The following TBX20 variants were observed in gnomAD, a reference collection of about 807,000 sequenced individuals.
The protein encoded by TBX20 is T-box transcription factor TBX20.
A neutral mutation model predicts 42.9 loss-of-function variants in TBX20; 8 were observed. The ratio of observed to expected loss-of-function variants is 0.19; its 90% CI spans 0.11 to 0.34. The LOEUF is 0.34. TBX20 is among the 10% of genes least tolerant of loss of function. The probability of loss-of-function intolerance (pLI) is 1.00; values close to 1 mark genes in which losing one functional copy is unlikely to be tolerated. For missense variants in TBX20, 411 were observed against 566.0 expected (o/e 0.73, Z 2.78); for synonymous variants, 198 against 222.8 (o/e 0.89, Z 0.99).
At chr7:35,219,064 C>A (rs1789637329) in intron 6 of TBX20, among the ~76,000 whole-genome samples, 1 of 152,062 alleles carries the variant, frequency 6.6e-6, no homozygotes, top group South Asian at 2.1e-4. Flanking sequence ...TTATAACAGC[C>A]CAGTTGAACT....
At chr7:35,226,485 A>T (rs1029608634) in intron 6 of TBX20, among the ~76,000 whole-genome samples, 9 of 152,160 alleles carry the variant, frequency 5.9e-5, no homozygotes, top group African/African-American at 1.9e-4. Context: ...GAAACTGGCA[A>T]AGATGAAAAG....
At chr7:35,252,966 T>G (rs1335568386) in intron 1 of TBX20, among the ~76,000 whole-genome samples, 5 of 152,378 alleles carry the variant, frequency 3.3e-5, no homozygotes, top group African/African-American at 1.2e-4. Context: ...GATGTCTTGG[T>G]GATAAGTCTA....
Position 35,253,521 on chromosome 7 carries a change from C to T in TBX20, c.100G>A (p.Ala34Thr), listed in dbSNP as rs1584361716. 6.2e-7 allele frequency: 1 copy of T among 1,612,352 alleles called. No individual in the cohort carries two copies. Among genetic ancestry groups the T allele is most frequent in the Non-Finnish European group, 8.5e-7 (1 of 1,179,772 alleles). Residue 34 changes from alanine to threonine, a missense_variant, in exon 1 of 8, where the codon GCG becomes ACG. Coordinates refer to ENST00000408931, the MANE Select transcript of TBX20 (RefSeq NM_001077653.2). The stretch of plus-strand genomic sequence containing the variant: ...AGGGGTTTGATTGTGTTCTCCGTCG[C>T]CTCCTTCTCCTTAGAGCCGCCGCTC... ...MSSGGSKEKE[A>T]TENTIKPLEQ...
intron 6 of TBX20, among the ~76,000 whole-genome samples, chr7:35,211,747 T>C (rs1328430748): frequency 1.3e-5 from 2 of 152,198 alleles, no homozygotes; most frequent in Non-Finnish European, 2.9e-5. Context: ...TTTAAAGATG[T>C]TGCTTCACTG....
intron 6 of TBX20, among the ~76,000 whole-genome samples, chr7:35,222,664 G>A (rs1379961421): frequency 6.6e-6 from 1 of 152,126 alleles, no homozygotes; most frequent in Non-Finnish European, 1.5e-5. Context: ...GTGCAGTGCA[G>A]CACAATCCAG....
In TBX20 at chr7:35,253,886, C is replaced by G. The variant is rs902528203; in HGVS notation, c.-266G>C. On this transcript the variant is annotated 5_prime_UTR_variant, in exon 1 of 8. Coordinates refer to ENST00000408931, the MANE Select transcript of TBX20 (RefSeq NM_001077653.2). ...AGCACTACGGCGGGTGCGCACGCCC[C>G]GGGGCGCTCGGCAGGACGACAGTCT... is the stretch of plus-strand genomic sequence containing the variant. 1 of 472,998 alleles carries G rather than the reference C, an allele frequency of 2.1e-6. No individual in the cohort carries two copies. The highest frequency in any genetic ancestry group is 3.8e-6 in the Non-Finnish European group (1 of 262,898). 29.3% of individuals were successfully genotyped at this position (472,998 alleles called of 1,614,324 possible). A position where few individuals can be genotyped will look rare whatever the true frequency, so the allele number is the denominator to read the frequency against.
chr7:35,235,199 T>A (rs2128713920), intron 5 of TBX20, among the ~76,000 whole-genome samples: 1 of 151,846 alleles, frequency 6.6e-6, no homozygotes, highest in East Asian at 1.9e-4. Flanking sequence ...ACATAGAGTT[T>A]ATGCCACAAT....
At chr7:35,213,058 T>C in intron 6 of TBX20, among the ~76,000 whole-genome samples, 1 of 152,192 alleles carries the variant, frequency 6.6e-6, no homozygotes, top group East Asian at 1.9e-4. Flanking sequence ...CCCACTGCCA[T>C]GGTCTATACC....
chr7:35,224,656 G>A (rs1789740498), intron 6 of TBX20, among the ~76,000 whole-genome samples: 1 of 124,302 alleles, frequency 8.0e-6, no homozygotes, highest in Admixed American at 9.0e-5. Flanking sequence ...TGGGCCATAA[G>A]AGCGAAACTC....
intron 6 of TBX20, among the ~76,000 whole-genome samples, chr7:35,223,461 A>G (rs1789717146): frequency 6.6e-6 from 1 of 152,204 alleles, no homozygotes. Flanking sequence ...GAGAAGTGCA[A>G]GGACTAAGGT....
chr7:35,245,085 G>T, intron 3 of TBX20, 28 bp from the exon 4 acceptor site: 3 of 1,490,782 alleles, frequency 2.0e-6, no homozygotes, highest in South Asian at 1.2e-5. Context: ...AAACTTTATT[G>T]AGACTTCTTT....
intron 6 of TBX20, among the ~76,000 whole-genome samples, chr7:35,214,763 A>G (rs1264502296): frequency 6.6e-6 from 1 of 152,212 alleles, no homozygotes; most frequent in Non-Finnish European, 1.5e-5. Flanking sequence ...ATGTCCTTTA[A>G]GTCTGAAGCA....
chr7:35,222,528 A>G (rs1232862259), intron 6 of TBX20, among the ~76,000 whole-genome samples: 3 of 152,156 alleles, frequency 2.0e-5, no homozygotes, highest in Admixed American at 6.5e-5. Flanking sequence ...GCTATTCTGT[A>G]TGCTGTTTTT....
rs373107301 is a variant in TBX20 at position 35,218,768 on chromosome 7, A to C, written c.890+12736T>G. ...GTCTGAACATTTATGTCCCCTAAAG[A>C]TTCACGTGTTGAAACCTAATCACCA... On this transcript the variant is annotated intron_variant, in intron 6 of 7. Transcript: ENST00000408931. 4.6e-5 allele frequency among the ~76,000 whole-genome samples: 7 copies of C among 152,236 alleles called. No homozygotes were observed. The East Asian group carries it at 7.7e-4, about 17-fold the overall frequency.
chr7:35,243,082 A>C (rs530993773), intron 4 of TBX20, among the ~76,000 whole-genome samples: 323 of 152,192 alleles, frequency 2.1e-3, no homozygotes, highest in African/African-American at 7.5e-3. Flanking sequence ...GGCTCAAGTG[A>C]TCCTCCCACC....
chr7:35,253,558 G>A lies in TBX20; in HGVS notation c.63C>T (p.Ala21=), dbSNP rs139984472. The A allele has an allele frequency of 2.5e-5, 41 of 1,612,916 alleles. No individual in the cohort carries two copies. The highest frequency in any genetic ancestry group is 3.5e-5 in the Non-Finnish European group (41 of 1,180,028). The change falls in exon 1 of 8, where the codon GCC becomes GCT. Residue 21 remains alanine (A), a synonymous_variant. Transcript: ENST00000408931. ...TAGAGCCGCCGCTCGACATGAGCGC[G>A]GCAATGGAGAAGGCGTTGGCCCGAG... ...LSSRANAFSI[A]ALMSSGGSKE...
intron 4 of TBX20, among the ~76,000 whole-genome samples, chr7:35,244,103 C>A (rs1216275950): frequency 1.3e-5 from 2 of 152,084 alleles, no homozygotes; most frequent in Non-Finnish European, 2.9e-5. Context: ...TATTATGTAT[C>A]AATTAAAAAT....
intron 5 of TBX20, among the ~76,000 whole-genome samples, chr7:35,235,842 A>C (rs1318336994): frequency 1.3e-5 from 2 of 152,126 alleles, no homozygotes; most frequent in Non-Finnish European, 2.9e-5. Flanking sequence ...ATATCACTGG[A>C]CTCTGAATCC....
intron 6 of TBX20, among the ~76,000 whole-genome samples, chr7:35,205,654 A>G (rs923279345): frequency 6.6e-6 from 1 of 152,250 alleles, no homozygotes; most frequent in African/African-American, 2.4e-5. Context: ...GTGAAAAATT[A>G]CTACCTAATT....
Sources: allele counts gnomAD v4.1 joint callset (sites outside exome capture counted in the v4.1 genomes callset), GRCh38; gene constraint gnomAD v4.1.1; transcripts MANE v1.5; gene names NCBI Gene and HGNC (gene_info 2026-07-23, HGNC 2026-07-21).